The following ZMYM4 variants were observed in gnomAD, a reference collection of about 807,000 sequenced individuals.
ZMYM4 encodes zinc finger MYM-type containing 4.
A neutral mutation model predicts 183.2 loss-of-function variants in ZMYM4; 31 were observed. The observed-to-expected ratio is 0.17, with a 90% confidence interval of 0.13 to 0.23. ZMYM4 has a LOEUF of 0.23. Among genes scored for constraint, ZMYM4 ranks in the 10% least tolerant of loss-of-function variants. The probability of loss-of-function intolerance (pLI) is 1.00; values close to 1 mark genes in which losing one functional copy is unlikely to be tolerated. For synonymous variants in ZMYM4, 592 were observed against 631.2 expected, an observed-to-expected ratio of 0.94 and a Z score of 0.93; for missense variants, 1,273 against 1,840.3, an observed-to-expected ratio of 0.69 and a Z score of 5.64.
rs2149005408 is a variant in ZMYM4, at chr1:35,397,403, T to G, written c.3057T>G (p.Ser1019=). The G allele has an allele frequency of 6.2e-7, 1 of 1,608,922 alleles. No individual in the cohort carries two copies. Among genetic ancestry groups the G allele is most frequent in the East Asian group, 2.2e-5 (1 of 44,672 alleles). Residue 1019 remains serine, a synonymous_variant, in exon 20 of 30, where the codon TCT becomes TCG. Coordinates refer to ENST00000314607, the MANE Select transcript of ZMYM4 (RefSeq NM_005095.3). Reference sequence around the variant, plus strand: ...TGCCTGTCCCTATGCTTATTCCATCTTCAATGGATAGTGAAGATAAAGTCA... The same window carrying G: ...TGCCTGTCCCTATGCTTATTCCATCGTCAATGGATAGTGAAGATAAAGTCA... ...VPMPVPMLIP[S]SMDSEDKVTE...
chr1:35,404,568 G>C (rs1442035952), intron 23 of ZMYM4, among the ~76,000 whole-genome samples: 1 of 152,088 alleles, frequency 6.6e-6, no homozygotes, highest in Non-Finnish European at 1.5e-5. Flanking sequence ...TTGACCCATA[G>C]AGCTGTTTAA....
chr1:35,418,409 A>G, intron 28 of ZMYM4, 34 bp from the exon 29 acceptor site: 1 of 1,607,946 alleles, frequency 6.2e-7, no homozygotes, highest in Non-Finnish European at 8.5e-7. Flanking sequence ...GACTTTTCTA[A>G]TATAATCCTT....
chr1:35,293,007 TTTTTTTTTTTTGAGA>T lies in ZMYM4; in HGVS notation c.39+23923_39+23937del, dbSNP rs1640835326. Among the ~76,000 whole-genome samples the T allele has an allele frequency of 2.7e-5, 4 of 150,900 alleles. 1 individual carries two copies. The South Asian group carries it at 8.4e-4, about 32-fold the overall frequency. On this transcript the variant is annotated intron_variant, in intron 1 of 29. Transcript: ENST00000314607. ...TTGTGTCTGTGATACCATTAACATTTTTTTTTTTTTTGAGACAGGTTCCTGCTCTGTCACCCAGGC... is the reference window on the plus strand; with the variant it reads ...TTGTGTCTGTGATACCATTAACATTTCAGGTTCCTGCTCTGTCACCCAGGC...
intron 23 of ZMYM4, among the ~76,000 whole-genome samples, chr1:35,403,006 C>T (rs1215515541): frequency 6.6e-6 from 1 of 152,174 alleles, no homozygotes; most frequent in African/African-American, 2.4e-5. Flanking sequence ...GTAGGTTTCT[C>T]ATAGGTGGTT....
At position 35,390,117 on chromosome 1, in the gene ZMYM4, A is replaced by T. The variant is rs373385374; in HGVS notation, c.2587+19A>T. ...AATGCAGGTAAAATTAACCTTAGGT[A>T]CTGAATGGAGTCTTTGGTCAATACT... is the stretch of plus-strand genomic sequence containing the variant. On this transcript the variant is annotated intron_variant, in intron 15 of 29. Transcript: ENST00000314607. The T allele has an allele frequency of 1.0e-4, 168 of 1,609,748 alleles. 1 individual carries two copies. Among genetic ancestry groups the T allele is most frequent in the Non-Finnish European group, 7.6e-5 (89 of 1,177,240 alleles).
chr1:35,335,378 A>G (rs111346368), intron 2 of ZMYM4, among the ~76,000 whole-genome samples: 2,347 of 151,962 alleles, frequency 0.015, 65 homozygotes, highest in African/African-American at 0.054. Context: ...CTGGGACTAT[A>G]GGCACCCACC....
chr1:35,328,644 G>T (rs920668705), intron 2 of ZMYM4, among the ~76,000 whole-genome samples: 1 of 151,810 alleles, frequency 6.6e-6, no homozygotes, highest in African/African-American at 2.4e-5. Context: ...TGCAATAAAG[G>T]TTACCCTTTA....
rs145570042 is a variant in ZMYM4 at position 35,404,638 on chromosome 1, C to T, written c.3529-385C>T. Among the ~76,000 whole-genome samples the T allele has an allele frequency of 3.2e-3, 489 of 152,088 alleles. 8 individuals are homozygous for T. Among genetic ancestry groups the T allele is most frequent in the Non-Finnish European group, 6.9e-4 (47 of 67,988 alleles). On this transcript the variant is annotated intron_variant, in intron 23 of 29. Coordinates refer to ENST00000314607, the MANE Select transcript of ZMYM4 (RefSeq NM_005095.3). ...GCATCATTGGTTTCTATTTTAATTT[C>T]ATTGTAGTTAGATAATTTGTTGAGG...
intron 10 of ZMYM4, 136 bp downstream of exon 10, chr1:35,385,728 G>A (rs1644561241): frequency 3.8e-6 from 4 of 1,050,838 alleles, no homozygotes; most frequent in Non-Finnish European, 5.2e-6. Flanking sequence ...AATATCACCT[G>A]TTACCTTGAT....
In ZMYM4 at chr1:35,370,338, ATTTTTTTTTTTTTTTT is replaced by A. The variant is rs35122134; in HGVS notation, c.926-20_926-5del. 24 of 1,129,134 alleles carry A rather than the reference ATTTTTTTTTTTTTTTT, an allele frequency of 2.1e-5. No individual in the cohort carries two copies. In the South Asian group the frequency reaches 3.4e-4, roughly 16 times the overall value. The allele number at this position is 1,129,134 out of a possible 1,614,324, so 69.9% of individuals were successfully genotyped here. The stretch of plus-strand genomic sequence containing the variant: ...AAAAGTAAAACATTTTTTTCTTTCA[ATTTTTTTTTTTTTTTT>A]TTTTTTTTTTTTTAAAGCTCCACAG... On this transcript the variant is annotated intron_variant, in intron 6 of 29. Transcript: ENST00000314607.
intron 20 of ZMYM4, 30 bp downstream of exon 20, chr1:35,397,575 A>G (rs779373622): frequency 1.3e-6 from 2 of 1,554,398 alleles, no homozygotes; most frequent in Non-Finnish European, 1.7e-6. Flanking sequence ...GTAAAGAAAG[A>G]AAAAACACGT....
intron 1 of ZMYM4, among the ~76,000 whole-genome samples, chr1:35,309,715 T>C (rs939189299): frequency 6.6e-6 from 1 of 152,022 alleles, no homozygotes; most frequent in African/African-American, 2.4e-5. Flanking sequence ...GCCCAGGAGC[T>C]TGAGGCTACA....
chr1:35,352,269 G>GCGCACACA (rs1366886543), intron 2 of ZMYM4, among the ~76,000 whole-genome samples: 4 of 124,526 alleles, frequency 3.2e-5, no homozygotes, highest in Admixed American at 1.7e-4. Context: ...ACGCGCGCGC[G>GCGCACACA]CACACACACA....
chr1:35,373,478 C>T (rs1250293543), intron 7 of ZMYM4, among the ~76,000 whole-genome samples: 3 of 149,884 alleles, frequency 2.0e-5, no homozygotes, highest in Admixed American at 1.3e-4. Flanking sequence ...CCCAGGTTAA[C>T]GCCATTCTCC....
intron 5 of ZMYM4, among the ~76,000 whole-genome samples, chr1:35,362,567 A>G (rs1643963604): frequency 6.6e-6 from 1 of 152,386 alleles, no homozygotes; most frequent in South Asian, 2.1e-4. Flanking sequence ...TAAAGATGGT[A>G]TGAATTGGCT....
At chr1:35,286,758 T>C (rs1051795754) in intron 1 of ZMYM4, among the ~76,000 whole-genome samples, 2 of 144,048 alleles carry the variant, frequency 1.4e-5, no homozygotes, top group African/African-American at 5.1e-5. Flanking sequence ...CCCTTGTGCC[T>C]GGCTATTTAA....
intron 1 of ZMYM4, among the ~76,000 whole-genome samples, chr1:35,280,679 G>A (rs1232885871): frequency 6.6e-6 from 1 of 152,132 alleles, no homozygotes; most frequent in Non-Finnish European, 1.5e-5. Context: ...GTGGTCCCAC[G>A]TGTTCCTTGA....
chr1:35,321,723 A>G (rs1472690826), intron 1 of ZMYM4, among the ~76,000 whole-genome samples: 1 of 152,144 alleles, frequency 6.6e-6, no homozygotes, highest in Non-Finnish European at 1.5e-5. Flanking sequence ...AATCATATAA[A>G]GTACTTGGAA....
chr1:35,279,477 G>A (rs1640036634), intron 1 of ZMYM4, among the ~76,000 whole-genome samples: 1 of 152,100 alleles, frequency 6.6e-6, no homozygotes, highest in Admixed American at 6.6e-5. Context: ...TCAGCATATG[G>A]TTGTCCAGCC....
Sources: allele counts gnomAD v4.1 joint callset (sites outside exome capture counted in the v4.1 genomes callset), GRCh38; gene constraint gnomAD v4.1.1; transcripts MANE v1.5; gene names NCBI Gene and HGNC (gene_info 2026-07-23, HGNC 2026-07-21).